RBKS: variants seen among roughly 807,000 people sequenced by gnomAD.
RBKS encodes ribokinase.
In RBKS, 33 loss-of-function variants were observed where a neutral mutation model predicts 33.9. The ratio of observed to expected loss-of-function variants is 0.97; its 90% CI spans 0.74 to 1.30. The LOEUF is 1.30. RBKS is among the 50% of genes most tolerant of loss of function. The pLI is 0.00. For synonymous variants in RBKS, 125 were observed against 143.0 expected (o/e 0.87, Z 0.90); for missense variants, 361 against 392.6 (o/e 0.92, Z 0.68).
chr2:27,793,051 A>G (rs1340672981), intron 7 of RBKS, among the ~76,000 whole-genome samples: 2 of 152,224 alleles, frequency 1.3e-5, no homozygotes, highest in Non-Finnish European at 2.9e-5. Flanking sequence ...AAAATGCAAA[A>G]GCAATTTACT....
intron 7 of RBKS, among the ~76,000 whole-genome samples, chr2:27,787,840 T>G (rs1450741417): frequency 6.6e-6 from 1 of 152,080 alleles, no homozygotes; most frequent in Non-Finnish European, 1.5e-5. Context: ...CCTTAACTTT[T>G]TAAAGCAAAT....
intron 7 of RBKS, among the ~76,000 whole-genome samples, chr2:27,803,310 T>C (rs1251568170): frequency 1.3e-5 from 2 of 152,226 alleles, no homozygotes; most frequent in Admixed American, 6.5e-5. Context: ...ACTTTTTTTC[T>C]AAAGAAATCT....
chr2:27,857,788 G>A (rs971485680), intron 2 of RBKS, among the ~76,000 whole-genome samples: 1 of 152,124 alleles, frequency 6.6e-6, no homozygotes, highest in African/African-American at 2.4e-5. Flanking sequence ...CTTCCCAGAG[G>A]ATTCAATGAG....
At chr2:27,843,624 A>G (rs1663559507) in intron 4 of RBKS, among the ~76,000 whole-genome samples, 1 of 152,200 alleles carries the variant, frequency 6.6e-6, no homozygotes, top group South Asian at 2.1e-4. Flanking sequence ...ATAGGAATAA[A>G]CTTGTATGAC....
intron 7 of RBKS, among the ~76,000 whole-genome samples, chr2:27,800,314 G>GT (rs1350804359): frequency 5.3e-5 from 8 of 152,054 alleles, no homozygotes; most frequent in Admixed American, 5.2e-4. Flanking sequence ...ACTGGAAAAT[G>GT]TTTTTTTCAA....
intron 7 of RBKS, among the ~76,000 whole-genome samples, chr2:27,820,121 G>T (rs1678170391): frequency 6.6e-6 from 1 of 152,198 alleles, no homozygotes; most frequent in Non-Finnish European, 1.5e-5. Context: ...TTATTTGCTA[G>T]ATGTGGCTCC....
chr2:27,847,112 A>C lies in RBKS; in HGVS notation c.287-8T>G. ...TAGTCTGATATGTAAATTCTGAAAG[A>C]AAAAAGAAAATTACAATCACATGTA... On this transcript the variant is annotated splice_polypyrimidine_tract_variant and splice_region_variant and intron_variant, in intron 3 of 7. Transcript: ENST00000302188. 6.5e-7 allele frequency: 1 copy of C among 1,549,054 alleles called. No individual in the cohort carries two copies. Among genetic ancestry groups the C allele is most frequent in the Non-Finnish European group, 8.9e-7 (1 of 1,121,924 alleles).
In RBKS at chr2:27,841,461, G is replaced by A. The variant is rs111289061; in HGVS notation, c.514+1606C>T. Among the ~76,000 whole-genome samples, 549 of 152,204 alleles carry A rather than the reference G, an allele frequency of 3.6e-3. 4 individuals carry two copies. Among genetic ancestry groups the A allele is most frequent in the Non-Finnish European group, 4.5e-3 (306 of 67,994 alleles). On this transcript the variant is annotated intron_variant, in intron 5 of 7. Transcript: ENST00000302188. ...GAGATGGGCACGGTGCAGAGAATGC[G>A]TAACCATAAGCATTAGACTTTACTG...
chr2:27,843,833 G>A (rs1359195205), intron 4 of RBKS, among the ~76,000 whole-genome samples: 1 of 152,160 alleles, frequency 6.6e-6, no homozygotes, highest in African/African-American at 2.4e-5. Flanking sequence ...ACTTGGACCT[G>A]CTGTCTATAA....
Position 27,781,581 on chromosome 2 carries a change from T to G in RBKS, c.*34A>C. 1 of 1,548,660 alleles carries G rather than the reference T, an allele frequency of 6.5e-7. No individual in the cohort carries two copies. Among genetic ancestry groups the G allele is most frequent in the South Asian group, 1.2e-5 (1 of 83,152 alleles). ...AGCAGCCACCCCCAAGTACATTTTATTCCCAGGTATATTTATTTTGGGACT... is the reference window on the plus strand; with the variant it reads ...AGCAGCCACCCCCAAGTACATTTTAGTCCCAGGTATATTTATTTTGGGACT... On this transcript the variant is annotated 3_prime_UTR_variant, in exon 8 of 8. Coordinates refer to ENST00000302188, the MANE Select transcript of RBKS (RefSeq NM_022128.3).
chr2:27,850,501 C>G (rs2148215494), intron 2 of RBKS, among the ~76,000 whole-genome samples: 1 of 152,320 alleles, frequency 6.6e-6, no homozygotes, highest in African/African-American at 2.4e-5. Flanking sequence ...CCCCACTAGC[C>G]TCTGGCAACC....
chr2:27,865,763 T>C (rs1028434960), intron 1 of RBKS, among the ~76,000 whole-genome samples: 4 of 152,010 alleles, frequency 2.6e-5, no homozygotes, highest in Non-Finnish European at 5.9e-5. Flanking sequence ...GTTTACAATA[T>C]GCATCTTAAA....
At chr2:27,836,002 T>C (rs1490776615) in intron 5 of RBKS, among the ~76,000 whole-genome samples, 1 of 151,756 alleles carries the variant, frequency 6.6e-6, no homozygotes, top group Non-Finnish European at 1.5e-5. Context: ...GATCAAAAAG[T>C]CAAGAGATCG....
At chr2:27,784,715 A>C (rs975535141) in intron 7 of RBKS, among the ~76,000 whole-genome samples, 3 of 152,194 alleles carry the variant, frequency 2.0e-5, no homozygotes, top group Non-Finnish European at 4.4e-5. Flanking sequence ...TTGTTTACAC[A>C]GACAAAGCCA....
At chr2:27,806,254 A>G (rs762204720) in intron 7 of RBKS, among the ~76,000 whole-genome samples, 3 of 152,220 alleles carry the variant, frequency 2.0e-5, no homozygotes, top group Non-Finnish European at 4.4e-5. Flanking sequence ...TCCTCTCTTA[A>G]TACCAGATGA....
Position 27,890,237 on chromosome 2 carries a change from GTAAC to G in RBKS, c.89+16_89+19del, listed in dbSNP as rs777835683. 3.1e-6 allele frequency: 5 copies of G among 1,611,138 alleles called. No individual in the cohort carries two copies. The highest frequency in any genetic ancestry group is 2.7e-5 in the African/African-American group (2 of 74,886). On this transcript the variant is annotated intron_variant, in intron 1 of 7. Coordinates refer to ENST00000302188, the MANE Select transcript of RBKS (RefSeq NM_022128.3). This position sits in a 1 kb window ranked among gnomAD's most constrained non-coding sequence, Gnocchi z 4.8. ...CCTCCTCCCCCGAGCCGCAGACTGA[GTAAC>G]TGGCCCCGGACTAACCTGACCAGGT...
intron 5 of RBKS, among the ~76,000 whole-genome samples, chr2:27,838,751 T>C (rs996989203): frequency 3.9e-5 from 6 of 152,182 alleles, no homozygotes; most frequent in African/African-American, 1.4e-4. Context: ...CAGGCAGAGC[T>C]AGAGAACACA....
chr2:27,853,169 C>T (rs1227831781), intron 2 of RBKS, among the ~76,000 whole-genome samples: 4 of 151,782 alleles, frequency 2.6e-5, no homozygotes, highest in East Asian at 3.9e-4. Context: ...AGTTCGAGAC[C>T]AGCCTCAGCA....
At chr2:27,865,040 G>A (rs1481222143) in intron 1 of RBKS, among the ~76,000 whole-genome samples, 1 of 152,160 alleles carries the variant, frequency 6.6e-6, no homozygotes, top group African/African-American at 2.4e-5. Flanking sequence ...CATTCTTTAG[G>A]CCGGGCGCGA....
Sources: gnomAD v4.1 joint callset for allele counts (sites outside exome capture counted in the v4.1 genomes callset) on GRCh38, gnomAD v4.1.1 for gene constraint, Gnocchi (gnomAD v3.1) non-coding constraint, MANE v1.5 for transcripts, NCBI Gene and HGNC (gene_info 2026-07-23, HGNC 2026-07-21) for gene names.